Variants in KAZN observed in about 807,000 individuals in gnomAD.
KAZN encodes kazrin.
Under a neutral mutation model 87.4 loss-of-function variants are expected in KAZN, and 40 were observed. That is an observed-to-expected ratio of 0.46 (90% CI 0.36 to 0.60). The LOEUF (loss-of-function observed/expected upper bound fraction) is 0.60, where lower values mean the gene tolerates loss of function less well. Ranked by LOEUF, KAZN falls within the 20% of genes least tolerant of loss-of-function variation. KAZN has a pLI of 0.00. For synonymous variants in KAZN, 466 were observed against 458.3 expected (o/e 1.02, Z -0.22); for missense variants, 898 against 1,073.9 (o/e 0.84, Z 2.29).
intron 2 of KAZN, among the ~76,000 whole-genome samples, chr1:15,005,205 G>GA (rs200736531): frequency 0.019 from 2,790 of 150,214 alleles, 49 homozygotes; most frequent in East Asian, 0.096. Flanking sequence ...GTTTTATTTG[G>GA]AAAAAAAAAC....
At chr1:14,289,782 T>G (rs1367061546) in intron 2 of KAZN, among the ~76,000 whole-genome samples, 1 of 152,224 alleles carries the variant, frequency 6.6e-6, no homozygotes, top group Non-Finnish European at 1.5e-5. Context: ...GCATCGATGG[T>G]CTTTACACTT....
chr1:14,370,005 C>T (rs1207250960), intron 2 of KAZN, among the ~76,000 whole-genome samples: 1 of 152,212 alleles, frequency 6.6e-6, no homozygotes, highest in Non-Finnish European at 1.5e-5. Context: ...CACCTCCCCA[C>T]ACGTGCATGA....
chr1:14,808,371 A>G (rs1646293207), intron 1 of KAZN, among the ~76,000 whole-genome samples: 1 of 129,554 alleles, frequency 7.7e-6, no homozygotes, highest in Non-Finnish European at 1.5e-5. Context: ...ATCTCAGTTC[A>G]CCGCAACCTC....
At chr1:15,050,029 G>A (rs11586993) in intron 4 of KAZN, among the ~76,000 whole-genome samples, 121 of 66,822 alleles carry the variant, frequency 1.8e-3, no homozygotes, top group East Asian at 7.1e-3. Context: ...AGTAGAGTAG[G>A]GTAGGGTAGG....
intron 1 of KAZN, among the ~76,000 whole-genome samples, chr1:14,047,422 C>T (rs1023386402): frequency 2.6e-5 from 4 of 152,196 alleles, no homozygotes; most frequent in African/African-American, 7.2e-5. Context: ...AACAGCACCC[C>T]CTGGAAGTTT....
chr1:14,119,810 A>G (rs1557490729), intron 1 of KAZN, among the ~76,000 whole-genome samples: 1 of 152,192 alleles, frequency 6.6e-6, no homozygotes, highest in Non-Finnish European at 1.5e-5. Context: ...TTAGTACTGT[A>G]CTAAGTTGGT....
chr1:14,813,781 C>T (rs1454884767), intron 1 of KAZN, among the ~76,000 whole-genome samples: 1 of 152,186 alleles, frequency 6.6e-6, no homozygotes, highest in Non-Finnish European at 1.5e-5. Flanking sequence ...GCTTGTCATG[C>T]AGCCATGGAT....
chr1:13,989,121 A>T (rs967481259), intron 1 of KAZN, among the ~76,000 whole-genome samples: 1 of 152,166 alleles, frequency 6.6e-6, no homozygotes, highest in South Asian at 2.1e-4. Context: ...CCCTTTTGTA[A>T]CAAACTCGCT....
intron 2 of KAZN, among the ~76,000 whole-genome samples, chr1:14,517,267 G>A (rs1225954227): frequency 6.6e-6 from 1 of 152,084 alleles, no homozygotes; most frequent in Non-Finnish European, 1.5e-5. Context: ...TAGAATGTAA[G>A]CAAGTTGCTG....
chr1:14,330,882 A>G (rs1301192144), intron 2 of KAZN, among the ~76,000 whole-genome samples: 1 of 152,208 alleles, frequency 6.6e-6, no homozygotes, highest in African/African-American at 2.4e-5. Flanking sequence ...ACTACCTGAC[A>G]AGTTCAACCT....
intron 1 of KAZN, among the ~76,000 whole-genome samples, chr1:14,691,444 G>T (rs543004583): frequency 6.6e-6 from 1 of 152,186 alleles, no homozygotes; most frequent in African/African-American, 2.4e-5. Flanking sequence ...AGTATTAACA[G>T]AGATGAACTC....
intron 1 of KAZN, among the ~76,000 whole-genome samples, chr1:14,754,506 G>A (rs886688714): frequency 2.1e-4 from 32 of 152,050 alleles, no homozygotes; most frequent in Middle Eastern, 3.4e-3. Context: ...GGTGGTGGGC[G>A]CCTGTAACCC....
At chr1:14,750,048 C>T (rs1371627778) in intron 1 of KAZN, among the ~76,000 whole-genome samples, 1 of 152,136 alleles carries the variant, frequency 6.6e-6, no homozygotes, top group African/African-American at 2.4e-5. Context: ...AAACCAGTGA[C>T]ATCTGAGATA....
At chr1:14,269,681 G>C (rs536854596) in intron 2 of KAZN, among the ~76,000 whole-genome samples, 2 of 152,158 alleles carry the variant, frequency 1.3e-5, no homozygotes, top group Admixed American at 1.3e-4. Context: ...GGAAAATTCC[G>C]TGTGGTTACA....
At chr1:15,078,865 C>T (rs1262022117) in intron 8 of KAZN, among the ~76,000 whole-genome samples, 6 of 152,190 alleles carry the variant, frequency 3.9e-5, no homozygotes, top group Non-Finnish European at 8.8e-5. Context: ...GAATTCCCCC[C>T]ACCAAGGACC....
At chr1:13,998,436 G>A (rs369563343) in intron 1 of KAZN, among the ~76,000 whole-genome samples, 61 of 152,250 alleles carry the variant, frequency 4.0e-4, no homozygotes, top group African/African-American at 1.4e-3. Flanking sequence ...TGGCAAATTG[G>A]ATAAAGAGTC....
chr1:13,919,870 A>G (rs183626155), intron 1 of KAZN, among the ~76,000 whole-genome samples: 2 of 152,174 alleles, frequency 1.3e-5, no homozygotes, highest in African/African-American at 4.8e-5. Context: ...TATCTTTTAG[A>G]AGCTTTATTG....
At chr1:13,995,984 A>G (rs1315454121) in intron 1 of KAZN, among the ~76,000 whole-genome samples, 1 of 152,188 alleles carries the variant, frequency 6.6e-6, no homozygotes, top group East Asian at 1.9e-4. Flanking sequence ...AAAGAACCAT[A>G]ATAAGCATGT....
At chr1:14,278,399 G>T (rs541715091) in intron 2 of KAZN, among the ~76,000 whole-genome samples, 2 of 148,728 alleles carry the variant, frequency 1.3e-5, no homozygotes, top group South Asian at 4.3e-4. Context: ...CAAGCGATTC[G>T]CCAGCCTCAG....
Sources: gnomAD v4.1 joint callset for allele counts (sites outside exome capture counted in the v4.1 genomes callset) on GRCh38, gnomAD v4.1.1 for gene constraint, MANE v1.5 for transcripts, NCBI Gene and HGNC (gene_info 2026-07-23, HGNC 2026-07-21) for gene names.